NPAS3: variants seen among roughly 807,000 people sequenced by gnomAD.
The protein encoded by NPAS3 is neuronal PAS domain-containing protein 3.
NPAS3 carries 14 observed loss-of-function variants against 73.1 expected under a neutral mutation model. The observed-to-expected ratio is 0.19, with a 90% CI of 0.13 to 0.30. The LOEUF (loss-of-function observed/expected upper bound fraction) is 0.30. NPAS3 is among the 10% of genes least tolerant of loss of function. NPAS3 has a pLI of 1.00. For synonymous variants in NPAS3, 620 were observed against 541.5 expected (o/e 1.14, Z -2.01); for missense variants, 1,096 against 1,250.0 (o/e 0.88, Z 1.86).
intron 4 of NPAS3, among the ~76,000 whole-genome samples, chr14:33,470,432 A>C (rs553818951): frequency 6.6e-6 from 1 of 152,178 alleles, no homozygotes; most frequent in African/African-American, 2.4e-5. Context: ...TCCCTTTACT[A>C]TAATAATAGG....
At chr14:33,646,914 C>G (rs1011823659) in intron 5 of NPAS3, among the ~76,000 whole-genome samples, 4 of 152,096 alleles carry the variant, frequency 2.6e-5, no homozygotes, top group African/African-American at 9.7e-5. Context: ...GCAGCAATGA[C>G]TCAGGCAGCA....
At chr14:33,330,126 C>T (rs1594707094) in intron 3 of NPAS3, among the ~76,000 whole-genome samples, 1 of 151,928 alleles carries the variant, frequency 6.6e-6, no homozygotes, top group African/African-American at 2.4e-5. Context: ...GTCTGTAGTC[C>T]CAGCTATTCG....
chr14:33,221,278 C>G (rs2047416469), intron 3 of NPAS3, among the ~76,000 whole-genome samples: 1 of 152,126 alleles, frequency 6.6e-6, no homozygotes. Flanking sequence ...GTCGTTAGGT[C>G]AGAGCAGATC....
chr14:33,036,284 T>A (rs2040165686), intron 1 of NPAS3, among the ~76,000 whole-genome samples: 1 of 152,132 alleles, frequency 6.6e-6, no homozygotes, highest in Admixed American at 6.5e-5. Context: ...GGGAGAGTTG[T>A]ATTATTAAAG....
chr14:33,784,126 A>G (rs2063068420), intron 9 of NPAS3, among the ~76,000 whole-genome samples: 2 of 152,238 alleles, frequency 1.3e-5, no homozygotes, highest in South Asian at 4.1e-4. Context: ...CATAGTACTA[A>G]TATCCAACCT....
intron 5 of NPAS3, among the ~76,000 whole-genome samples, chr14:33,674,304 G>A (rs2059693944): frequency 6.6e-6 from 1 of 152,150 alleles, no homozygotes; most frequent in Non-Finnish European, 1.5e-5. Context: ...GCACATTGAA[G>A]TATTAAAGGA....
intron 4 of NPAS3, among the ~76,000 whole-genome samples, chr14:33,430,520 C>G (rs930487170): frequency 3.9e-5 from 6 of 152,018 alleles, no homozygotes; most frequent in Admixed American, 2.6e-4. Context: ...TTTCCTTCTC[C>G]CCTCTCCCAA....
intron 4 of NPAS3, among the ~76,000 whole-genome samples, chr14:33,532,546 C>G (rs930514853): frequency 6.6e-6 from 1 of 152,030 alleles, no homozygotes; most frequent in Admixed American, 6.6e-5. Flanking sequence ...TTTGTCCAAG[C>G]TCATAGGGCT....
At chr14:33,025,098 T>TA (rs370690376) in intron 1 of NPAS3, among the ~76,000 whole-genome samples, 40 of 152,084 alleles carry the variant, frequency 2.6e-4, no homozygotes, top group Non-Finnish European at 4.9e-4. Context: ...AAGAAGTTTA[T>TA]AAAAAAAGAG....
intron 4 of NPAS3, among the ~76,000 whole-genome samples, chr14:33,498,697 G>T (rs951414463): frequency 8.5e-6 from 1 of 118,148 alleles, no homozygotes; most frequent in Non-Finnish European, 1.7e-5. Context: ...TGGGGGATGG[G>T]GGGGCTAGGG....
chr14:33,548,949 T>G (rs974388419), intron 4 of NPAS3, among the ~76,000 whole-genome samples: 3 of 152,220 alleles, frequency 2.0e-5, no homozygotes, highest in Non-Finnish European at 4.4e-5. Flanking sequence ...CCCTGGGACA[T>G]GTATATGGTA....
At position 33,673,352 on chromosome 14, in the gene NPAS3, A is replaced by AT. The variant is rs372962354; in HGVS notation, c.559-2857dup. ...GGACATGATCATACCAGTTCAAAAG[A>AT]TTGTTATGAGGATTAATCAAAGCAA... On this transcript the variant is annotated intron_variant, in intron 5 of 11. Transcript: ENST00000356141. 2.5e-3 allele frequency among the ~76,000 whole-genome samples: 377 copies of AT among 152,334 alleles called. 1 individual carries two copies. The highest frequency in any genetic ancestry group is 8.5e-3 in the African/African-American group (355 of 41,574).
At chr14:33,531,930 T>C (rs1447010665) in intron 4 of NPAS3, among the ~76,000 whole-genome samples, 1 of 152,190 alleles carries the variant, frequency 6.6e-6, no homozygotes, top group East Asian at 1.9e-4. Context: ...CTAGTGATCT[T>C]CTACTGTGCT....
At chr14:33,045,519 C>T (rs765701482) in intron 1 of NPAS3, among the ~76,000 whole-genome samples, 45 of 152,174 alleles carry the variant, frequency 3.0e-4, no homozygotes, top group East Asian at 1.9e-4. Flanking sequence ...AGATAGTAAA[C>T]GAGTATTCCT....
At chr14:33,125,323 GAA>G (rs1190214268) in intron 2 of NPAS3, among the ~76,000 whole-genome samples, 1 of 152,080 alleles carries the variant, frequency 6.6e-6, no homozygotes, top group Non-Finnish European at 1.5e-5. Context: ...ATGGGCAATA[GAA>G]AAGAGTGAAA....
At chr14:33,748,229 A>G (rs993107062) in intron 7 of NPAS3, among the ~76,000 whole-genome samples, 1 of 152,224 alleles carries the variant, frequency 6.6e-6, no homozygotes, top group African/African-American at 2.4e-5. Flanking sequence ...AAAGAAGTTT[A>G]GAGATGAGAA....
intron 1 of NPAS3, among the ~76,000 whole-genome samples, chr14:32,944,016 A>AT (rs1270331626): frequency 6.6e-6 from 1 of 152,196 alleles, no homozygotes; most frequent in Non-Finnish European, 1.5e-5. Context: ...TATGGAGAAT[A>AT]TATTACAAAA....
At chr14:33,292,621 T>C (rs2140116066) in intron 3 of NPAS3, among the ~76,000 whole-genome samples, 1 of 152,288 alleles carries the variant, frequency 6.6e-6, no homozygotes, top group Middle Eastern at 3.4e-3. Flanking sequence ...TATTTTTTGT[T>C]ATTTTTTTAA....
Position 33,202,586 on chromosome 14 carries a change from T to C in NPAS3, c.141-12596T>C, listed in dbSNP as rs186521963. Among the ~76,000 whole-genome samples, 508 of 152,276 alleles carry C rather than the reference T, an allele frequency of 3.3e-3. 8 individuals are homozygous for C. Among genetic ancestry groups the C allele is most frequent in the Non-Finnish European group, 4.3e-3 (292 of 68,028 alleles). On this transcript the variant is annotated intron_variant, in intron 2 of 11. Transcript: ENST00000356141. ...TTTTAAATGAAGAATAATAAAGTTTTATTTGTAGTGATAGAAATCTGGAGA... is the reference window on the plus strand; with the variant it reads ...TTTTAAATGAAGAATAATAAAGTTTCATTTGTAGTGATAGAAATCTGGAGA...
Sources: allele counts gnomAD v4.1 joint callset (sites outside exome capture counted in the v4.1 genomes callset), GRCh38; gene constraint gnomAD v4.1.1; transcripts MANE v1.5; gene names NCBI Gene and HGNC (gene_info 2026-07-23, HGNC 2026-07-21).